The following CYP4F22 variants were observed in gnomAD, a reference collection of about 807,000 sequenced individuals.
CYP4F22 encodes the protein ultra-long-chain fatty acid omega-hydroxylase.
CYP4F22 carries 37 observed loss-of-function variants against 60.4 expected under a neutral mutation model. That is an observed-to-expected ratio of 0.61 (90% CI 0.47 to 0.81). CYP4F22 has a LOEUF of 0.81. Among genes scored for constraint, CYP4F22 ranks in the 30% least tolerant of loss-of-function variants. The probability of loss-of-function intolerance (pLI) is 0.00; values close to 1 mark genes in which losing one functional copy is unlikely to be tolerated. For missense variants in CYP4F22, 655 were observed against 715.0 expected (o/e 0.92, Z 0.96); for synonymous variants, 258 against 280.5 (o/e 0.92, Z 0.80).
chr19:15,525,287 G>A (rs758656230), intron 2 of CYP4F22, 49 bp from the exon 3 acceptor site: 1 of 1,577,548 alleles, frequency 6.3e-7, no homozygotes, highest in Non-Finnish European at 8.6e-7. Context: ...TACCCCATGG[G>A]TCATCGTCTT....
chr19:15,525,617 T>TAATAGGC, intron 3 of CYP4F22, 59 bp downstream of exon 3: 21 of 1,525,630 alleles, frequency 1.4e-5, no homozygotes, highest in Non-Finnish European at 1.8e-5. Context: ...GGGTAATAGG[T>TAATAGGC]AGGGATGGTG....
chr19:15,537,733 G>T, intron 6 of CYP4F22, 71 bp downstream of exon 6: 1 of 1,607,172 alleles, frequency 6.2e-7, no homozygotes. Context: ...ACTCATGCAT[G>T]GGCAAGCCAT....
chr19:15,544,086 T>C, intron 9 of CYP4F22, 49 bp downstream of exon 9: 1 of 1,614,166 alleles, frequency 6.2e-7, no homozygotes, highest in Non-Finnish European at 8.5e-7. Context: ...GACATCATTG[T>C]CTGTAGACAG....
intron 10 of CYP4F22, among the ~76,000 whole-genome samples, chr19:15,547,803 C>G (rs187625097): frequency 1.9e-3 from 285 of 146,856 alleles, no homozygotes; most frequent in African/African-American, 6.8e-3. Flanking sequence ...GCCTGGGCAA[C>G]AAGAGCGAAA....
chr19:15,527,896 G>C (rs1325692149), intron 3 of CYP4F22, among the ~76,000 whole-genome samples: 1 of 152,150 alleles, frequency 6.6e-6, no homozygotes, highest in East Asian at 1.9e-4. Context: ...AGGTTAAGTG[G>C]CTTGCTCAAA....
At chr19:15,517,117 G>A (rs1362916502) in intron 1 of CYP4F22, among the ~76,000 whole-genome samples, 2 of 152,066 alleles carry the variant, frequency 1.3e-5, no homozygotes, top group African/African-American at 4.8e-5. Context: ...CACCGTGCCC[G>A]ACCTCAAATG....
At chr19:15,533,037 G>A (rs1971360287) in intron 4 of CYP4F22, among the ~76,000 whole-genome samples, 3 of 152,202 alleles carry the variant, frequency 2.0e-5, no homozygotes, top group Admixed American at 2.0e-4. Flanking sequence ...GGCCACACCT[G>A]GGAGTGGCTT....
intron 3 of CYP4F22, 78 bp downstream of exon 3, chr19:15,525,636 G>T: frequency 7.2e-7 from 1 of 1,381,576 alleles, no homozygotes; most frequent in Non-Finnish European, 9.9e-7. Context: ...TGGGCCTGCT[G>T]GCTTCCCACA....
At chr19:15,522,127 A>C (rs1454467415) in intron 1 of CYP4F22, among the ~76,000 whole-genome samples, 1 of 150,900 alleles carries the variant, frequency 6.6e-6, no homozygotes, top group East Asian at 2.0e-4. Context: ...CCTGGGCAAC[A>C]AAAGCGAAAC....
In CYP4F22 at chr19:15,537,951, G is replaced by C. The variant is rs1220342758; in HGVS notation, c.629G>C (p.Ser210Thr). Residue 210 changes from serine to threonine, a missense_variant, in exon 7 of 14, where the codon AGT (serine) becomes ACT (threonine). This residue lies in a region of CYP4F22 where 430 missense variants were observed against 457.1 expected (regional missense o/e 0.94). Coordinates refer to ENST00000269703, the MANE Select transcript of CYP4F22 (RefSeq NM_173483.4). ...CATATCAGCCTCATGACCCTGGACA[G>C]TCTTCAGAAATGTGTCTTCAGCTAC... ...FEHISLMTLD[S>T]LQKCVFSYNS... is the part of the protein sequence containing the mutation. 1.2e-6 allele frequency: 2 copies of C among 1,614,054 alleles called. No individual in the cohort carries two copies. Among genetic ancestry groups the C allele is most frequent in the Non-Finnish European group, 1.7e-6 (2 of 1,180,032 alleles).
At chr19:15,509,772 C>G (rs1265618448) in intron 1 of CYP4F22, among the ~76,000 whole-genome samples, 1 of 152,024 alleles carries the variant, frequency 6.6e-6, no homozygotes, top group Non-Finnish European at 1.5e-5. Flanking sequence ...TAACTCTGGC[C>G]TGGTGTCTGG....
chr19:15,549,635 C>G (rs947527312), intron 12 of CYP4F22, among the ~76,000 whole-genome samples: 1 of 149,764 alleles, frequency 6.7e-6, no homozygotes, highest in African/African-American at 2.5e-5. Flanking sequence ...TGAGACCAGC[C>G]TGGGCAACAC....
At chr19:15,539,379 T>C (rs1568360954) in intron 7 of CYP4F22, among the ~76,000 whole-genome samples, 1 of 152,368 alleles carries the variant, frequency 6.6e-6, no homozygotes, top group East Asian at 1.9e-4. Context: ...TGTATTTCTT[T>C]TCATTGATGA....
chr19:15,543,476 G>A (rs1412042516), intron 8 of CYP4F22, among the ~76,000 whole-genome samples: 1 of 152,102 alleles, frequency 6.6e-6, no homozygotes, highest in East Asian at 1.9e-4. Context: ...ATAGGTGTGA[G>A]CCACCATGCT....
intron 2 of CYP4F22, among the ~76,000 whole-genome samples, chr19:15,524,973 G>T (rs1971265099): frequency 6.6e-6 from 1 of 152,186 alleles, no homozygotes; most frequent in Non-Finnish European, 1.5e-5. Flanking sequence ...TTGCACCCAA[G>T]GGGTGAGGGA....
intron 8 of CYP4F22, 95 bp from the exon 9 acceptor site, chr19:15,543,876 A>T: frequency 1.6e-6 from 2 of 1,251,270 alleles, no homozygotes; most frequent in Non-Finnish European, 2.2e-6. Context: ...AAAAAAAAAA[A>T]AGATGGGGGC....
chr19:15,525,556 A>G lies in CYP4F22; in HGVS notation c.220A>G (p.Met74Val). The part of the protein sequence containing the change: ...RRNWLLGHLG[M>V]YLPNEAGLQD... ...CAACTGGCTGCTGGGCCACCTGGGC[A>G]TGGTAAGTGTGGCCAGGCAGGACTG... Residue 74 changes from methionine to valine, a missense_variant and splice_region_variant, in exon 3 of 14, where the codon ATG (methionine) becomes GTG (valine). Physicochemically the swap from Met to Val is conservative, Grantham distance 21. Coordinates refer to ENST00000269703, the MANE Select transcript of CYP4F22 (RefSeq NM_173483.4). The G allele has an allele frequency of 3.7e-6, 6 of 1,607,190 alleles. No individual in the cohort carries two copies. Among genetic ancestry groups the G allele is most frequent in the Non-Finnish European group, 5.1e-6 (6 of 1,179,724 alleles).
At chr19:15,546,399 C>T (rs1182023654) in intron 10 of CYP4F22, among the ~76,000 whole-genome samples, 2 of 152,194 alleles carry the variant, frequency 1.3e-5, no homozygotes, top group Non-Finnish European at 2.9e-5. Flanking sequence ...ACCTGGGCAA[C>T]ATGGTGAAAC....
chr19:15,528,745 G>A lies in CYP4F22; in HGVS notation c.223-964G>A, dbSNP rs533371866. The stretch of plus-strand genomic sequence containing the variant: ...ACCTTGCTGAACAAAATAAAATGAG[G>A]AAAATAATAGCAACGGTCTCATAGG... On this transcript the variant is annotated intron_variant, in intron 3 of 13. Transcript: ENST00000269703. 3.9e-5 allele frequency among the ~76,000 whole-genome samples: 6 copies of A among 152,146 alleles called. No individual in the cohort carries two copies. In the East Asian group the frequency reaches 1.2e-3, roughly 29 times the overall value.
Sources: allele counts gnomAD v4.1 joint callset (sites outside exome capture counted in the v4.1 genomes callset), GRCh38; gene constraint gnomAD v4.1.1; regional missense constraint gnomAD v4.1.1; transcripts MANE v1.5; gene names NCBI Gene and HGNC (gene_info 2026-07-23, HGNC 2026-07-21).